HSPG2: variants seen among roughly 807,000 people sequenced by gnomAD.
HSPG2 encodes basement membrane-specific heparan sulfate proteoglycan core protein.
In HSPG2, 278 loss-of-function variants were observed where a neutral mutation model predicts 526.6. That is an observed-to-expected ratio of 0.53 (90% confidence interval 0.48 to 0.58). The LOEUF is 0.58. Ranked by LOEUF, HSPG2 falls within the 20% of genes least tolerant of loss-of-function variation. The pLI is 0.00. For synonymous variants in HSPG2, 2,465 were observed against 2,555.4 expected, an observed-to-expected ratio of 0.96 and a Z score of 1.07; for missense variants, 5,354 against 6,099.5, an observed-to-expected ratio of 0.88 and a Z score of 4.07.
At chr1:21,829,777 G>T (rs1001561166) in intron 86 of HSPG2, 173 bp from the exon 87 acceptor site, 47 of 712,322 alleles carry the variant, frequency 6.6e-5, no homozygotes, top group Non-Finnish European at 1.1e-4. Context: ...TTGCACACGG[G>T]GCTGGGAGGA....
At chr1:21,920,424 C>T (rs998980833) in intron 1 of HSPG2, among the ~76,000 whole-genome samples, 5 of 152,206 alleles carry the variant, frequency 3.3e-5, no homozygotes, top group African/African-American at 9.7e-5. Context: ...GGCCAGTCAC[C>T]GGCTCCTTGC....
intron 91 of HSPG2, among the ~76,000 whole-genome samples, chr1:21,826,262 G>A (rs950710521): frequency 6.6e-6 from 1 of 151,848 alleles, no homozygotes; most frequent in East Asian, 1.9e-4. Context: ...TAGAGATGAG[G>A]TCTCCCTGTG....
At chr1:21,881,573 C>T in intron 13 of HSPG2, 71 bp from the exon 14 acceptor site, 1 of 1,339,442 alleles carries the variant, frequency 7.5e-7, no homozygotes, top group Non-Finnish European at 1.1e-6. Flanking sequence ...TGAGGGGCAG[C>T]AATCCAGAAA....
chr1:21,917,165 C>G (rs1204586566), intron 1 of HSPG2, among the ~76,000 whole-genome samples: 2 of 152,126 alleles, frequency 1.3e-5, no homozygotes, highest in Non-Finnish European at 2.9e-5. Flanking sequence ...GGCGCGGTGG[C>G]ACATGCCTGT....
At position 21,854,282 on chromosome 1, in the gene HSPG2, C is replaced by A. The variant is rs762856390; in HGVS notation, c.6350G>T (p.Cys2117Phe). 6.3e-7 allele frequency: 1 copy of A among 1,577,196 alleles called. No homozygotes were observed. Among genetic ancestry groups the A allele is most frequent in the Non-Finnish European group, 8.6e-7 (1 of 1,160,978 alleles). Residue 2117 changes from cysteine to phenylalanine, a missense_variant, in exon 50 of 97, where the codon TGC becomes TTC. Coordinates refer to ENST00000374695, the MANE Select transcript of HSPG2 (RefSeq NM_005529.7). ...GGGGCCCGATCCATTCTCCACACGG[C>A]ACACATATTCTCCAGAATCAGCTGG... Reference protein sequence around the residue: ...VSPADSGEYVCRVENGSGPKE... With the variant: ...VSPADSGEYVFRVENGSGPKE...
chr1:21,921,680 C>T (rs1644042583), intron 1 of HSPG2, among the ~76,000 whole-genome samples: 1 of 152,184 alleles, frequency 6.6e-6, no homozygotes, highest in Admixed American at 6.5e-5. Flanking sequence ...GGAAAGCAGG[C>T]AGAAGCCCGG....
intron 64 of HSPG2, among the ~76,000 whole-genome samples, chr1:21,845,369 T>A (rs1223062313): frequency 6.6e-6 from 1 of 152,058 alleles, no homozygotes; most frequent in Non-Finnish European, 1.5e-5. Context: ...CTAATAAAGA[T>A]GTTTATTTAT....
At position 21,828,112 on chromosome 1, in the gene HSPG2, A is replaced by G; in HGVS notation, c.12450T>C (p.Arg4150=). 6.2e-7 allele frequency: 1 copy of G among 1,608,428 alleles called. No homozygotes were observed. Among genetic ancestry groups the G allele is most frequent in the Non-Finnish European group, 8.5e-7 (1 of 1,177,464 alleles). Residue 4150 remains arginine (R), a synonymous_variant, in exon 90 of 97, where the codon CGT becomes CGC. Coordinates refer to ENST00000374695, the MANE Select transcript of HSPG2 (RefSeq NM_005529.7). This position sits in a 1 kb window ranked among gnomAD's most constrained non-coding sequence, Gnocchi z 6.0. ...CEHEENPCQL[R]EPCLHGGTCQ... ...AGGTGCCCCCATGCAGACAGGGTTCACGGAGCTGGCAGGGGTTCTCCTCGT... is the reference window on the plus strand; with the variant it reads ...AGGTGCCCCCATGCAGACAGGGTTCGCGGAGCTGGCAGGGGTTCTCCTCGT...
chr1:21,824,342 A>G lies in HSPG2; in HGVS notation c.12779T>C (p.Ile4260Thr). 1 of 1,613,882 alleles carries G rather than the reference A, an allele frequency of 6.2e-7. No individual in the cohort carries two copies. The highest frequency in any genetic ancestry group is 8.5e-7 in the Non-Finnish European group (1 of 1,180,014). The change falls in exon 94 of 97, where the codon ATC (isoleucine) becomes ACC (threonine). Residue 4260 changes from isoleucine (I) to threonine (T), a missense_variant. By Grantham distance (89) the Ile-to-Thr change is moderately conservative. Coordinates refer to ENST00000374695, the MANE Select transcript of HSPG2 (RefSeq NM_005529.7). The surrounding 1 kb of genome is among the most constrained non-coding windows in gnomAD (Gnocchi z 5.9). ...VGEAGQGKDF[I>T]SLGLQDGHLV... ...GTGCCCGTCTTGAAGCCCGAGGCTG[A>G]TGAAGTCCTTGCCTTGGCCGGCCTC...
chr1:21,892,293 C>T (rs1642420571), intron 3 of HSPG2, among the ~76,000 whole-genome samples: 1 of 152,364 alleles, frequency 6.6e-6, no homozygotes, highest in East Asian at 1.9e-4. Flanking sequence ...AGCACAGAGG[C>T]CCATTGAGAG....
At chr1:21,929,496 C>T (rs1031115826) in intron 1 of HSPG2, among the ~76,000 whole-genome samples, 6 of 151,906 alleles carry the variant, frequency 3.9e-5, no homozygotes, top group Admixed American at 6.6e-5. Flanking sequence ...CAACCTCCAC[C>T]TCCTGGGCTC....
At position 21,898,124 on chromosome 1, in the gene HSPG2, A is replaced by G. The variant is rs1642879173; in HGVS notation, c.64-1814T>C. On this transcript the variant is annotated intron_variant, in intron 1 of 96. Coordinates refer to ENST00000374695, the MANE Select transcript of HSPG2 (RefSeq NM_005529.7). The surrounding 1 kb of genome is among the most constrained non-coding windows in gnomAD (Gnocchi z 4.0). ...AATTCATCACCTATGAATTCCAGTCACTCTGTGAAGATGACTTGCTTTGGG... is the reference window on the plus strand; with the variant it reads ...AATTCATCACCTATGAATTCCAGTCGCTCTGTGAAGATGACTTGCTTTGGG... Among the ~76,000 whole-genome samples the G allele has an allele frequency of 1.3e-5, 2 of 152,174 alleles. No homozygotes were observed. Among genetic ancestry groups the G allele is most frequent in the Non-Finnish European group, 2.9e-5 (2 of 68,034 alleles).
At position 21,893,415 on chromosome 1, in the gene HSPG2, C is replaced by T. The variant is rs1642508529; in HGVS notation, c.244+2507G>A. Reference sequence around the variant, plus strand: ...GGCAGGGGCAGTGGCTGGCCTAGCCCCTGGACTCTGCAGGGAGGTGCCTCT... The same window carrying T: ...GGCAGGGGCAGTGGCTGGCCTAGCCTCTGGACTCTGCAGGGAGGTGCCTCT... On this transcript the variant is annotated intron_variant, in intron 3 of 96. Transcript: ENST00000374695. This position sits in a 1 kb window ranked among gnomAD's most constrained non-coding sequence, Gnocchi z 4.3. Among the ~76,000 whole-genome samples, 1 of 152,192 alleles carries T rather than the reference C, an allele frequency of 6.6e-6. No homozygotes were observed.
chr1:21,888,687 C>T, intron 6 of HSPG2: 2 of 1,365,570 alleles, frequency 1.5e-6, no homozygotes, highest in East Asian at 4.6e-5. Flanking sequence ...CTGCGACCGC[C>T]ACAGCGGCCG....
At chr1:21,930,773 C>T (rs1028247271) in intron 1 of HSPG2, among the ~76,000 whole-genome samples, 1 of 108,578 alleles carries the variant, frequency 9.2e-6, no homozygotes, top group African/African-American at 3.5e-5. Flanking sequence ...GACTCCATCT[C>T]AAAAAAAAAA....
intron 67 of HSPG2, 117 bp downstream of exon 67, chr1:21,842,653 T>G: frequency 7.3e-7 from 1 of 1,366,200 alleles, no homozygotes; most frequent in Non-Finnish European, 1.0e-6. Flanking sequence ...CCCGCAAACG[T>G]ATTTTATCCC....
In HSPG2 at chr1:21,865,035, G is replaced by A. The variant is rs767789034; in HGVS notation, c.4434C>T (p.Arg1478=). 2.3e-5 allele frequency: 36 copies of A among 1,571,462 alleles called. No homozygotes were observed. Among genetic ancestry groups the A allele is most frequent in the Middle Eastern group, 3.9e-4 (2 of 5,066 alleles). Residue 1478 remains arginine, a synonymous_variant, in exon 36 of 97, where the codon CGC becomes CGT. Transcript: ENST00000374695. The surrounding 1 kb of genome is among the most constrained non-coding windows in gnomAD (Gnocchi z 5.4). The part of the protein sequence containing the change: ...WRRPDGQPAT[R]EHLLMALADL... ...CGGCCAGTGCCATCAGGAGGTGCTC[G>A]CGTGTGGCCGGCTGCCCATCGGGCC...
chr1:21,915,547 G>C lies in HSPG2; in HGVS notation c.64-19237C>G, dbSNP rs980548388. Among the ~76,000 whole-genome samples, 10 of 152,040 alleles carry C rather than the reference G, an allele frequency of 6.6e-5. No homozygotes were observed. The East Asian group carries it at 1.7e-3, about 26-fold the overall frequency. On this transcript the variant is annotated intron_variant, in intron 1 of 96. Transcript: ENST00000374695. ...GAAGAGCCCAGCAGAGAGAGGAGCAGCAAGAAGAACCAATGAGAGCTGGAA... is the reference window on the plus strand; with the variant it reads ...GAAGAGCCCAGCAGAGAGAGGAGCACCAAGAAGAACCAATGAGAGCTGGAA...
chr1:21,880,575 G>C lies in HSPG2; in HGVS notation c.1999-16C>G. 1 of 1,612,346 alleles carries C rather than the reference G, an allele frequency of 6.2e-7. No individual in the cohort carries two copies. The highest frequency in any genetic ancestry group is 8.5e-7 in the Non-Finnish European group (1 of 1,179,472). On this transcript the variant is annotated splice_polypyrimidine_tract_variant and intron_variant, in intron 15 of 96. Transcript: ENST00000374695. ...CCCAGTGCTCCTGGGTATGGGTGAA[G>C]GTGGCAGGGGTCACACATCAGTGCC...
Sources: allele counts gnomAD v4.1 joint callset (sites outside exome capture counted in the v4.1 genomes callset), GRCh38; gene constraint gnomAD v4.1.1; non-coding constraint Gnocchi (gnomAD v3.1); transcripts MANE v1.5; gene names NCBI Gene and HGNC (gene_info 2026-07-23, HGNC 2026-07-21).